Variants in DAAM1 observed in about 807,000 individuals in gnomAD.
The protein encoded by DAAM1 is disheveled-associated activator of morphogenesis 1.
Under a neutral mutation model 130.0 loss-of-function variants are expected in DAAM1, and 52 were observed. The observed-to-expected ratio is 0.40, with a 90% CI of 0.32 to 0.50. DAAM1 has a LOEUF of 0.50. Among genes scored for constraint, DAAM1 ranks in the 20% least tolerant of loss-of-function variants. The pLI is 0.61. For missense variants in DAAM1, 1,134 were observed against 1,303.8 expected, an observed-to-expected ratio of 0.87 and a Z score of 2.01; for synonymous variants, 452 against 444.5, an observed-to-expected ratio of 1.02 and a Z score of -0.21.
At chr14:59,363,839 TA>T (rs1235271735) in intron 23 of DAAM1, 57 bp downstream of exon 23, 7 of 1,602,332 alleles carry the variant, frequency 4.4e-6, no homozygotes, top group Non-Finnish European at 5.9e-6. Context: ...TTCAGTGTGA[TA>T]CTTTCAGTTA....
At chr14:59,334,734 A>G (rs551043006) in intron 15 of DAAM1, among the ~76,000 whole-genome samples, 2 of 152,342 alleles carry the variant, frequency 1.3e-5, no homozygotes, top group South Asian at 4.1e-4. Context: ...TGCATAAAAT[A>G]TATCCAGTTG....
intron 3 of DAAM1, among the ~76,000 whole-genome samples, chr14:59,310,029 G>A (rs1458033442): frequency 6.6e-6 from 1 of 151,764 alleles, no homozygotes; most frequent in Non-Finnish European, 1.5e-5. Flanking sequence ...TAGGTGTAGA[G>A]TGAATTTATT....
intron 15 of DAAM1, chr14:59,338,421 G>A: frequency 6.2e-7 from 1 of 1,613,562 alleles, no homozygotes; most frequent in Non-Finnish European, 8.5e-7. Flanking sequence ...GCAGGTAAGT[G>A]AGCTACTACC....
intron 4 of DAAM1, among the ~76,000 whole-genome samples, chr14:59,317,384 T>C (rs1013219976): frequency 2.0e-5 from 3 of 152,140 alleles, no homozygotes; most frequent in Admixed American, 2.0e-4. Context: ...ACATTCTGAT[T>C]GCCACCACCG....
At chr14:59,226,336 T>A (rs775206525) in intron 1 of DAAM1, among the ~76,000 whole-genome samples, 2 of 152,162 alleles carry the variant, frequency 1.3e-5, no homozygotes, top group African/African-American at 2.4e-5. Flanking sequence ...ATATCAGAAT[T>A]ATTTTGGTTG....
At chr14:59,307,034 C>T (rs1244687558) in intron 3 of DAAM1, among the ~76,000 whole-genome samples, 1 of 152,098 alleles carries the variant, frequency 6.6e-6, no homozygotes, top group Admixed American at 6.6e-5. Flanking sequence ...TGCATTATAC[C>T]TTTATAGATT....
rs1885082800 is a variant in DAAM1 at position 59,323,144 on chromosome 14, C to T, written c.693C>T (p.Cys231=). The T allele has an allele frequency of 2.5e-6, 4 of 1,613,662 alleles. No homozygotes were observed. The highest frequency in any genetic ancestry group is 1.7e-5 in the Admixed American group (1 of 59,980). The part of the protein sequence containing the change: ...VAVLEILGAV[C]LVPGGHKKVL... The stretch of plus-strand genomic sequence containing the variant: ...TGCTGGAAATCTTGGGCGCCGTGTG[C>T]CTGGTTCCCGGGGGCCACAAGAAGG... Residue 231 remains cysteine, a synonymous_variant, in exon 6 of 25, where the codon TGC becomes TGT. Coordinates refer to ENST00000360909, the MANE Select transcript of DAAM1 (RefSeq NM_001270520.2).
In DAAM1 at chr14:59,323,153, C is replaced by T. The variant is rs749844960; in HGVS notation, c.702C>T (p.Pro234=). 12 of 1,613,634 alleles carry T rather than the reference C, an allele frequency of 7.4e-6. No individual in the cohort carries two copies. The highest frequency in any genetic ancestry group is 2.2e-5 in the South Asian group (2 of 90,996). The change falls in exon 6 of 25, where the codon CCC becomes CCT. Residue 234 remains proline (P), a synonymous_variant. Transcript: ENST00000360909. The part of the protein sequence containing the change: ...LEILGAVCLV[P]GGHKKVLQAM... ...TCTTGGGCGCCGTGTGCCTGGTTCC[C>T]GGGGGCCACAAGAAGGTTCTGCAGG...
chr14:59,303,571 T>C (rs1034740761), intron 3 of DAAM1, among the ~76,000 whole-genome samples: 3 of 152,138 alleles, frequency 2.0e-5, no homozygotes, highest in African/African-American at 7.2e-5. Flanking sequence ...CTGGAGCACT[T>C]TGGGAAGCAT....
chr14:59,225,208 A>G (rs1238315155), intron 1 of DAAM1, among the ~76,000 whole-genome samples: 1 of 151,674 alleles, frequency 6.6e-6, no homozygotes, highest in African/African-American at 2.4e-5. Context: ...TTGTATTTTT[A>G]GTGGAGACGG....
chr14:59,331,770 G>A (rs757171643), intron 14 of DAAM1, 43 bp from the exon 15 acceptor site: 25 of 1,581,562 alleles, frequency 1.6e-5, no homozygotes, highest in South Asian at 5.8e-5. Context: ...TTCTTTTTAT[G>A]TATAACTGTA....
intron 1 of DAAM1, among the ~76,000 whole-genome samples, chr14:59,236,418 A>T (rs967687355): frequency 2.0e-5 from 3 of 152,092 alleles, no homozygotes; most frequent in Non-Finnish European, 4.4e-5. Context: ...CTTCAAGTAC[A>T]TTCGCCGCCT....
intron 1 of DAAM1, among the ~76,000 whole-genome samples, chr14:59,196,645 A>G (rs1282599905): frequency 6.6e-6 from 1 of 152,042 alleles, no homozygotes; most frequent in African/African-American, 2.4e-5. Flanking sequence ...CCGGAGGCTG[A>G]GGCAGGAGAA....
At chr14:59,269,010 G>C (rs750928829) in intron 2 of DAAM1, among the ~76,000 whole-genome samples, 133 of 152,162 alleles carry the variant, frequency 8.7e-4, no homozygotes, top group Non-Finnish European at 1.5e-3. Context: ...ATTTCCCTTG[G>C]AATGAACAGA....
intron 1 of DAAM1, among the ~76,000 whole-genome samples, chr14:59,197,916 AGAGCTGTGAG>A (rs1887956633): frequency 6.6e-6 from 1 of 152,164 alleles, no homozygotes; most frequent in Non-Finnish European, 1.5e-5. Flanking sequence ...GCTTAGAATG[AGAGCTGTGAG>A]GCAGCTGGGA....
intron 3 of DAAM1, among the ~76,000 whole-genome samples, chr14:59,295,962 G>A (rs1883940756): frequency 1.3e-5 from 2 of 152,176 alleles, no homozygotes; most frequent in South Asian, 4.1e-4. Flanking sequence ...GAGGGAACCA[G>A]TAAAAGTAAA....
At chr14:59,235,406 TC>T (rs1379480427) in intron 1 of DAAM1, among the ~76,000 whole-genome samples, 1 of 152,182 alleles carries the variant, frequency 6.6e-6, no homozygotes, top group East Asian at 1.9e-4. Context: ...ATCCATTTCT[TC>T]TAGGTTTTCT....
intron 1 of DAAM1, among the ~76,000 whole-genome samples, chr14:59,238,367 C>A (rs113700670): frequency 2.6e-5 from 4 of 152,172 alleles, no homozygotes; most frequent in Non-Finnish European, 5.9e-5. Context: ...TGAACCCTTA[C>A]GGTACTGAAC....
chr14:59,208,273 A>G (rs1888324531), intron 1 of DAAM1, among the ~76,000 whole-genome samples: 1 of 152,170 alleles, frequency 6.6e-6, no homozygotes, highest in African/African-American at 2.4e-5. Context: ...TTAAAAATTG[A>G]ATTCCTGGCC....
Sources: allele counts gnomAD v4.1 joint callset (sites outside exome capture counted in the v4.1 genomes callset), GRCh38; gene constraint gnomAD v4.1.1; transcripts MANE v1.5; gene names NCBI Gene and HGNC (gene_info 2026-07-23, HGNC 2026-07-21).